Variants in FRMD5 observed in about 807,000 individuals in gnomAD.
The protein encoded by FRMD5 is FERM domain containing 5, also known as FERM domain-containing protein 5.
Under a neutral mutation model 69.0 loss-of-function variants are expected in FRMD5, and 20 were observed. The ratio of observed to expected loss-of-function variants is 0.29; its 90% CI spans 0.20 to 0.42. The LOEUF (loss-of-function observed/expected upper bound fraction) is 0.42, where lower values mean the gene tolerates loss of function less well. FRMD5 is among the 10% of genes least tolerant of loss of function. The pLI is 1.00. For synonymous variants in FRMD5, 271 were observed against 260.1 expected (o/e 1.04, Z -0.40); for missense variants, 595 against 708.6 (o/e 0.84, Z 1.82).
At chr15:44,195,649 G>C (rs1423195476), upstream of FRMD5, among the ~76,000 whole-genome samples, 1 of 151,856 alleles carries the variant, frequency 6.6e-6, no homozygotes, top group African/African-American at 2.4e-5. Context: ...CTTGGGAGCC[G>C]GAGCGAGGAG....
chr15:44,157,762 G>C (rs1466649265), intron 1 of FRMD5, among the ~76,000 whole-genome samples: 1 of 152,026 alleles, frequency 6.6e-6, no homozygotes, highest in East Asian at 1.9e-4. Context: ...CAATTCAGGA[G>C]ATGAAAGAAA....
rs974708488 is a variant in FRMD5, at chr15:44,195,268, C to A, written c.-214G>T. 1.9e-6 allele frequency: 1 copy of A among 526,394 alleles called. No individual in the cohort carries two copies. The highest frequency in any genetic ancestry group is 3.3e-6 in the Non-Finnish European group (1 of 300,528). 32.6% of individuals were successfully genotyped at this position (526,394 alleles called of 1,614,324 possible). A position where few individuals can be genotyped will look rare whatever the true frequency, so the allele number is the denominator to read the frequency against. On this transcript the variant is annotated 5_prime_UTR_variant, in exon 1 of 14. Transcript: ENST00000417257. ...CCCCCAGCCCAGATCAAGCGCCGGG[C>A]TCTGTCTCCTCGGCGCCCCAGTGCC...
At chr15:43,996,962 T>C (rs1411260083) in intron 1 of FRMD5, among the ~76,000 whole-genome samples, 1 of 152,148 alleles carries the variant, frequency 6.6e-6, no homozygotes, top group Non-Finnish European at 1.5e-5. Context: ...TTTAAAAAAA[T>C]GATACATGCA....
chr15:43,989,614 C>A (rs1889570319), intron 1 of FRMD5: 1 of 862,682 alleles, frequency 1.2e-6, no homozygotes. Flanking sequence ...TGAGGACCTT[C>A]ATGAGGTAGT....
chr15:43,873,699 T>C lies in FRMD5; in HGVS notation c.*186A>G. On this transcript the variant is annotated 3_prime_UTR_variant, in exon 14 of 14. Transcript: ENST00000417257. ...AGAAAATGAGTTTTCCCAGTTTGTT[T>C]AGACAGGGCATGAGCCTATCCCTTT... The C allele has an allele frequency of 1.3e-6, 2 of 1,515,214 alleles. No homozygotes were observed. The highest frequency in any genetic ancestry group is 1.8e-6 in the Non-Finnish European group (2 of 1,141,482). 93.9% of individuals were successfully genotyped at this position (1,515,214 alleles called of 1,614,324 possible).
chr15:44,014,948 AG>A (rs759691611), intron 1 of FRMD5, among the ~76,000 whole-genome samples: 10 of 152,170 alleles, frequency 6.6e-5, no homozygotes, highest in Admixed American at 2.6e-4. Flanking sequence ...TGAAAGCACA[AG>A]AGGAAATTAA....
intron 1 of FRMD5, among the ~76,000 whole-genome samples, chr15:43,988,605 TG>T (rs1889514959): frequency 6.6e-6 from 1 of 151,914 alleles, no homozygotes; most frequent in Non-Finnish European, 1.5e-5. Context: ...GACAAAAAAG[TG>T]GGGCCATGAA....
At chr15:44,149,477 A>G (rs750096332) in intron 1 of FRMD5, among the ~76,000 whole-genome samples, 5 of 152,120 alleles carry the variant, frequency 3.3e-5, no homozygotes, top group African/African-American at 4.8e-5. Context: ...ACAGATTAGC[A>G]GAATCAATTA....
At chr15:44,109,791 C>A (rs1399186754) in intron 1 of FRMD5, among the ~76,000 whole-genome samples, 2 of 152,210 alleles carry the variant, frequency 1.3e-5, no homozygotes, top group Non-Finnish European at 2.9e-5. Flanking sequence ...CCTAAAAATC[C>A]TCTTTGCTCT....
At chr15:44,108,160 T>C (rs2140565822) in intron 1 of FRMD5, among the ~76,000 whole-genome samples, 1 of 152,190 alleles carries the variant, frequency 6.6e-6, no homozygotes, top group East Asian at 1.9e-4. Context: ...ACAAAAGAAA[T>C]TGTAAATAGT....
chr15:43,920,989 C>A (rs1032647145), intron 2 of FRMD5, among the ~76,000 whole-genome samples: 16 of 152,244 alleles, frequency 1.1e-4, no homozygotes, highest in African/African-American at 3.9e-4. Flanking sequence ...CTTCTGTCAG[C>A]TCCACATGGA....
intron 1 of FRMD5, among the ~76,000 whole-genome samples, chr15:44,055,070 A>C (rs1892817493): frequency 7.7e-6 from 1 of 129,440 alleles, no homozygotes; most frequent in East Asian, 2.1e-4. Context: ...ACTCTGTCTC[A>C]AAAAAAAAAA....
intron 1 of FRMD5, among the ~76,000 whole-genome samples, chr15:43,932,990 T>C (rs917670604): frequency 5.3e-5 from 8 of 152,306 alleles, no homozygotes; most frequent in Admixed American, 3.9e-4. Flanking sequence ...GAAGAAGAGT[T>C]CCATGGTCTG....
intron 1 of FRMD5, among the ~76,000 whole-genome samples, chr15:44,159,073 G>T (rs1372578365): frequency 6.6e-6 from 1 of 152,174 alleles, no homozygotes; most frequent in East Asian, 1.9e-4. Context: ...GGAGGAACAG[G>T]GATGGGAGCA....
At chr15:43,981,970 T>C (rs2090555388) in intron 1 of FRMD5, among the ~76,000 whole-genome samples, 1 of 152,250 alleles carries the variant, frequency 6.6e-6, no homozygotes, top group African/African-American at 2.4e-5. Context: ...TCCTGTGAAG[T>C]CACGTACAAC....
chr15:44,129,641 A>G (rs1464181228), intron 1 of FRMD5, among the ~76,000 whole-genome samples: 4 of 152,190 alleles, frequency 2.6e-5, no homozygotes, highest in Non-Finnish European at 5.9e-5. Context: ...TAGGAAAGAC[A>G]GCTTAAAGTC....
chr15:43,971,614 G>T (rs2090379498), intron 1 of FRMD5, among the ~76,000 whole-genome samples: 1 of 149,446 alleles, frequency 6.7e-6, no homozygotes, highest in Non-Finnish European at 1.5e-5. Context: ...AACCCAGGAG[G>T]TGGAGGTTGC....
chr15:44,166,974 C>G (rs190406389), intron 1 of FRMD5, among the ~76,000 whole-genome samples: 53 of 152,098 alleles, frequency 3.5e-4, no homozygotes, highest in South Asian at 1.9e-3. Flanking sequence ...ATCATTCCAA[C>G]TAAAGGAAAT....
chr15:43,927,678 T>C (rs2089608140), intron 1 of FRMD5, among the ~76,000 whole-genome samples: 1 of 151,980 alleles, frequency 6.6e-6, no homozygotes, highest in Non-Finnish European at 1.5e-5. Context: ...ATTGCTTTTC[T>C]CTACAAATTT....
Sources: allele counts gnomAD v4.1 joint callset (sites outside exome capture counted in the v4.1 genomes callset), GRCh38; gene constraint gnomAD v4.1.1; transcripts MANE v1.5; gene names NCBI Gene and HGNC (gene_info 2026-07-23, HGNC 2026-07-21).